The following IL3RA variants were observed in gnomAD, a reference collection of about 807,000 sequenced individuals.
IL3RA encodes interleukin 3 receptor subunit alpha.
In IL3RA, 73 loss-of-function variants were observed where a neutral mutation model predicts 52.3. That is an observed-to-expected ratio of 1.40 (90% CI 1.16 to 1.70). The LOEUF (loss-of-function observed/expected upper bound fraction) is 1.70, where lower values mean the gene tolerates loss of function less well. IL3RA is among the 40% of genes most tolerant of loss of function. IL3RA has a pLI of 0.00. For missense variants in IL3RA, 664 were observed against 504.4 expected (o/e 1.32, Z -3.03); for synonymous variants, 260 against 194.0 (o/e 1.34, Z -2.83).
At chrX:1,360,854 CCT>C (rs1198623946) in intron 8 of IL3RA, among the ~76,000 whole-genome samples, 2 of 134,440 alleles carry the variant, frequency 1.5e-5, no homozygotes, top group African/African-American at 5.6e-5. Context: ...TAGCTCTCTC[CCT>C]GTCTCTCTCT....
chrX:1,362,537 C>T (rs1225408709), intron 8 of IL3RA, among the ~76,000 whole-genome samples: 2 of 145,576 alleles, frequency 1.4e-5, no homozygotes, highest in Non-Finnish European at 3.0e-5. Context: ...TTTCTCTCTC[C>T]CTCTCTCTGT....
chrX:1,358,981 T>G lies in IL3RA; in HGVS notation c.759+94T>G, dbSNP rs752072553. ...TAAAATGATAAAAAATATTAATAAT[T>G]CTTATTAATAAAATAATGAAAATAT... On this transcript the variant is annotated intron_variant, in intron 8 of 11. Coordinates refer to ENST00000331035, the MANE Select transcript of IL3RA (RefSeq NM_002183.4). 2.4e-5 allele frequency: 20 copies of G among 834,618 alleles called. No homozygotes were observed. In the East Asian group the frequency reaches 6.9e-4, roughly 29 times the overall value. The allele number at this position is 834,618 out of a possible 1,614,324, so 51.7% of individuals were successfully genotyped here. A position where few individuals can be genotyped will look rare whatever the true frequency, so the allele number is the denominator to read the frequency against.
intron 3 of IL3RA, 61 bp from the exon 4 acceptor site, chrX:1,348,370 T>A: frequency 7.6e-7 from 1 of 1,317,952 alleles, no homozygotes; most frequent in Non-Finnish European, 1.1e-6. Flanking sequence ...AATCTGAACA[T>A]CATTAGCGTC....
intron 1 of IL3RA, among the ~76,000 whole-genome samples, chrX:1,339,402 C>G (rs1482077680): frequency 6.6e-6 from 1 of 152,218 alleles, no homozygotes; most frequent in Non-Finnish European, 1.5e-5. Flanking sequence ...TCAGTCCCGT[C>G]CCCAGCCTCA....
intron 3 of IL3RA, among the ~76,000 whole-genome samples, chrX:1,346,903 A>G (rs1394224455): frequency 6.6e-6 from 1 of 151,396 alleles, no homozygotes; most frequent in East Asian, 1.9e-4. Flanking sequence ...GGCCACCATT[A>G]TAAAATCCTA....
intron 3 of IL3RA, among the ~76,000 whole-genome samples, chrX:1,346,883 C>T (rs747254725): frequency 1.1e-4 from 16 of 151,312 alleles, no homozygotes; most frequent in Non-Finnish European, 2.4e-4. Context: ...GCCCTTCATG[C>T]GTCTGCTCGG....
intron 7 of IL3RA, among the ~76,000 whole-genome samples, chrX:1,358,109 G>GAA (rs1300082205): frequency 1.5e-5 from 2 of 133,022 alleles, no homozygotes; most frequent in Non-Finnish European, 1.6e-5. Context: ...CGTCTCAGGA[G>GAA]AAAAAAAAAA....
Position 1,378,873 on chromosome X carries a change from C to T in IL3RA, c.980+109C>T, listed in dbSNP as rs1220151804. On this transcript the variant is annotated intron_variant, in intron 10 of 11. Coordinates refer to ENST00000331035, the MANE Select transcript of IL3RA (RefSeq NM_002183.4). ...CATTATTATTTTTGTGATGGAGTCT[C>T]GCTCTGTCTCCCAGGCTGGAGTGCA... The T allele has an allele frequency of 5.3e-5, 55 of 1,041,958 alleles. 1 individual carries two copies. The highest frequency in any genetic ancestry group is 2.1e-4 in the South Asian group (15 of 70,012). The allele number at this position is 1,041,958 out of a possible 1,614,324, so 64.5% of individuals were successfully genotyped here.
chrX:1,368,736 C>A (rs1331982568), intron 9 of IL3RA, among the ~76,000 whole-genome samples: 1 of 149,898 alleles, frequency 6.7e-6, no homozygotes, highest in African/African-American at 2.5e-5. Context: ...GTCTCCAAGC[C>A]CAGGAGAGGG....
At chrX:1,365,655 C>G (rs1397028418) in intron 9 of IL3RA, among the ~76,000 whole-genome samples, 1 of 5,128 alleles carries the variant, frequency 2.0e-4, no homozygotes, top group Admixed American at 2.9e-3. Context: ...CGGGGTGAGC[C>G]GGGTGCGCGG....
intron 4 of IL3RA, among the ~76,000 whole-genome samples, chrX:1,350,180 C>A (rs188894427): frequency 1.3e-5 from 2 of 151,966 alleles, no homozygotes; most frequent in African/African-American, 2.4e-5. Flanking sequence ...GGAGGCCGGG[C>A]GCAGTGGCTC....
intron 6 of IL3RA, 65 bp from the exon 7 acceptor site, chrX:1,356,153 AAAG>A (rs1203249819): frequency 7.9e-5 from 83 of 1,046,540 alleles, no homozygotes; most frequent in Non-Finnish European, 1.1e-4. Context: ...CCAGAAAAAA[AAAG>A]AGAAAAAGAA....
intron 6 of IL3RA, among the ~76,000 whole-genome samples, chrX:1,355,367 G>A (rs1361970408): frequency 7.5e-6 from 1 of 133,858 alleles, no homozygotes; most frequent in East Asian, 2.5e-4. Context: ...GAATGGGGAG[G>A]AGAGAGGAGT....
intron 4 of IL3RA, among the ~76,000 whole-genome samples, chrX:1,350,901 AGATGCACACACACG>A (rs2086054712): frequency 6.7e-6 from 1 of 149,058 alleles, no homozygotes; most frequent in African/African-American, 2.5e-5. Flanking sequence ...ACACACACAC[AGATGCACACACACG>A]CACACACACA....
chrX:1,354,002 C>CCATTGTGAGTCATGGAATCCCT (rs2086403851), intron 6 of IL3RA, among the ~76,000 whole-genome samples: 2 of 143,060 alleles, frequency 1.4e-5, no homozygotes, highest in Non-Finnish European at 3.1e-5. Context: ...ATGGGAGCCC[C>CCATTGTGAGTCATGGAATCCCT]CATTGTGAGT....
At chrX:1,367,905 C>G (rs1159532142) in intron 9 of IL3RA, among the ~76,000 whole-genome samples, 2 of 150,388 alleles carry the variant, frequency 1.3e-5, no homozygotes, top group Non-Finnish European at 2.9e-5. Flanking sequence ...TTCTGTGACC[C>G]CAAAAAGGAC....
chrX:1,342,846 G>A (rs2085544301), intron 2 of IL3RA, among the ~76,000 whole-genome samples: 1 of 151,522 alleles, frequency 6.6e-6, no homozygotes, highest in South Asian at 2.1e-4. Context: ...GGCCAAGGCA[G>A]GTGGACGATC....
intron 1 of IL3RA, among the ~76,000 whole-genome samples, chrX:1,337,451 A>C (rs2085355658): frequency 6.6e-6 from 1 of 152,068 alleles, no homozygotes; most frequent in Admixed American, 6.6e-5. Flanking sequence ...GGCTGGTGAA[A>C]CCTCAGGTCC....
Position 1,341,899 on chromosome X carries a change from C to T in IL3RA, c.64+70C>T, listed in dbSNP as rs1174071915. 7.1e-5 allele frequency: 107 copies of T among 1,512,332 alleles called. No homozygotes were observed. The South Asian group carries it at 9.9e-4, about 14-fold the overall frequency. The allele number at this position is 1,512,332 out of a possible 1,614,324, so 93.7% of individuals were successfully genotyped here. A position where few individuals can be genotyped will look rare whatever the true frequency, so the allele number is the denominator to read the frequency against. ...GGGGTAGACAGACACACAATGTCAG[C>T]GTGCCGTCCTTCAGGGAAACTTTTC... is the stretch of plus-strand genomic sequence containing the variant. On this transcript the variant is annotated intron_variant, in intron 2 of 11. Coordinates refer to ENST00000331035, the MANE Select transcript of IL3RA (RefSeq NM_002183.4).
Sources: gnomAD v4.1 joint callset for allele counts (sites outside exome capture counted in the v4.1 genomes callset) on GRCh38, gnomAD v4.1.1 for gene constraint, MANE v1.5 for transcripts, NCBI Gene and HGNC (gene_info 2026-07-23, HGNC 2026-07-21) for gene names.